MAPK8: variants seen among roughly 807,000 people sequenced by gnomAD.
MAPK8 encodes mitogen-activated protein kinase 8, also known as JUN N-terminal kinase.
Under a neutral mutation model 52.9 loss-of-function variants are expected in MAPK8, and 13 were observed. The observed-to-expected ratio is 0.25, with a 90% CI of 0.16 to 0.39. The LOEUF (loss-of-function observed/expected upper bound fraction) is 0.39, where lower values mean the gene tolerates loss of function less well. MAPK8 is among the 10% of genes least tolerant of loss of function. The pLI, the probability that MAPK8 is intolerant of heterozygous loss-of-function variation, is 1.00. For missense variants in MAPK8, 300 were observed against 519.2 expected, an observed-to-expected ratio of 0.58 and a Z score of 4.10; for synonymous variants, 191 against 169.8, an observed-to-expected ratio of 1.12 and a Z score of -0.97.
At chr10:48,322,150 A>G (rs72792274) in intron 1 of MAPK8, among the ~76,000 whole-genome samples, 12,887 of 152,126 alleles carry the variant, frequency 0.085, 643 homozygotes, top group Non-Finnish European at 0.11. Context: ...TTCTTACTTT[A>G]GTAAAGTTTT....
At chr10:48,422,056 G>A (rs540700975) in intron 6 of MAPK8, among the ~76,000 whole-genome samples, 1 of 122,822 alleles carries the variant, frequency 8.1e-6, no homozygotes, top group Non-Finnish European at 1.8e-5. Flanking sequence ...TTTTTGAGAT[G>A]GAGTCTCACT....
In MAPK8 at chr10:48,427,110, G is replaced by A. The variant is rs2043731777; in HGVS notation, c.1027G>A (p.Asp343Asn). 1.2e-6 allele frequency: 2 copies of A among 1,613,296 alleles called. No homozygotes were observed. Among genetic ancestry groups the A allele is most frequent in the Non-Finnish European group, 1.7e-6 (2 of 1,179,536 alleles). Residue 343 changes from aspartate (D) to asparagine (N), a missense_variant, in exon 10 of 12, where the codon GAT (aspartate) becomes AAT (asparagine). By Grantham distance (23) the Asp-to-Asn change is conservative (BLOSUM62 1). This residue lies in a region of MAPK8 where 119 missense variants were observed against 154.4 expected (regional missense o/e 0.77). Transcript: ENST00000374189. ...PPPKIPDKQL[D>N]EREHTIEEWK... Reference sequence around the variant, plus strand: ...ACCAAAGATCCCTGACAAGCAGTTAGATGAAAGGGAACACACAATAGAAGA... The same window carrying A: ...ACCAAAGATCCCTGACAAGCAGTTAAATGAAAGGGAACACACAATAGAAGA...
intron 3 of MAPK8, among the ~76,000 whole-genome samples, chr10:48,408,994 C>G (rs2042607676): frequency 6.6e-6 from 1 of 152,190 alleles, no homozygotes; most frequent in African/African-American, 2.4e-5. Flanking sequence ...GCGCCCCACT[C>G]TCATGACCTA....
At chr10:48,431,118 C>T (rs2044206936) in intron 10 of MAPK8, 75 bp from the exon 11 acceptor site, 1 of 881,286 alleles carries the variant, frequency 1.1e-6, no homozygotes. Context: ...TAAAAATTTC[C>T]ACTTAAACCA....
chr10:48,420,831 C>T (rs374438583), intron 6 of MAPK8, among the ~76,000 whole-genome samples: 2 of 152,160 alleles, frequency 1.3e-5, no homozygotes, highest in African/African-American at 2.4e-5. Flanking sequence ...TTCATTAAAA[C>T]GTTGTATCCA....
intron 1 of MAPK8, among the ~76,000 whole-genome samples, chr10:48,350,824 A>C (rs936411493): frequency 2.6e-5 from 4 of 152,222 alleles, no homozygotes; most frequent in African/African-American, 9.6e-5. Context: ...AGGAAGTCAA[A>C]TTGTCTCTGT....
intron 1 of MAPK8, among the ~76,000 whole-genome samples, chr10:48,316,040 A>G (rs112055991): frequency 1.7e-4 from 26 of 152,346 alleles, no homozygotes; most frequent in Non-Finnish European, 2.4e-4. Flanking sequence ...GTAACTTGAA[A>G]TGAATTGTGG....
chr10:48,362,961 G>A (rs1182221190), intron 1 of MAPK8, among the ~76,000 whole-genome samples: 1 of 151,948 alleles, frequency 6.6e-6, no homozygotes, highest in Non-Finnish European at 1.5e-5. Flanking sequence ...GGCTGGTCTC[G>A]AACTCCTGAC....
intron 1 of MAPK8, among the ~76,000 whole-genome samples, chr10:48,352,781 G>A (rs1199631256): frequency 6.6e-6 from 1 of 152,004 alleles, no homozygotes; most frequent in Non-Finnish European, 1.5e-5. Context: ...TAAAACAAGC[G>A]GGGGGAAAGC....
chr10:48,381,100 A>C (rs1402381205), intron 1 of MAPK8, among the ~76,000 whole-genome samples: 2 of 152,204 alleles, frequency 1.3e-5, no homozygotes, highest in Non-Finnish European at 2.9e-5. Context: ...AATCTTGTTC[A>C]AAAGAGAAAA....
chr10:48,331,819 A>G (rs1331476214), intron 1 of MAPK8, among the ~76,000 whole-genome samples: 1 of 152,174 alleles, frequency 6.6e-6, no homozygotes, highest in East Asian at 1.9e-4. Flanking sequence ...CCCCTATAAT[A>G]ACTCATAGGG....
chr10:48,384,670 A>C (rs1269704770), intron 1 of MAPK8, among the ~76,000 whole-genome samples: 1 of 152,240 alleles, frequency 6.6e-6, no homozygotes, highest in Non-Finnish European at 1.5e-5. Flanking sequence ...CAGCCCAAAT[A>C]AAATGTACAC....
chr10:48,380,826 A>G (rs1377820299), intron 1 of MAPK8, among the ~76,000 whole-genome samples: 1 of 152,238 alleles, frequency 6.6e-6, no homozygotes, highest in Non-Finnish European at 1.5e-5. Flanking sequence ...AGGTCATTGT[A>G]AAACAGTCAT....
intron 1 of MAPK8, among the ~76,000 whole-genome samples, chr10:48,355,240 T>C (rs1167033936): frequency 6.6e-6 from 1 of 152,210 alleles, no homozygotes; most frequent in Non-Finnish European, 1.5e-5. Flanking sequence ...CTGGGCGTGG[T>C]GGCTCACGCC....
chr10:48,426,816 C>T, intron 9 of MAPK8: 1 of 474,956 alleles, frequency 2.1e-6, no homozygotes, highest in Non-Finnish European at 3.7e-6. Flanking sequence ...CAAAGGAAAA[C>T]AGAATTCTGT....
At chr10:48,424,583 A>T in intron 7 of MAPK8, 1 of 1,580,242 alleles carries the variant, frequency 6.3e-7, no homozygotes, top group Non-Finnish European at 8.6e-7. Context: ...CCAGGTACAG[A>T]TCGTATCCTT....
chr10:48,313,006 G>A (rs189308800), intron 1 of MAPK8, among the ~76,000 whole-genome samples: 2 of 152,098 alleles, frequency 1.3e-5, no homozygotes, highest in Non-Finnish European at 2.9e-5. Context: ...AAAATCCTTG[G>A]TCCAGATGTA....
intron 6 of MAPK8, among the ~76,000 whole-genome samples, chr10:48,423,845 T>A (rs2043509471): frequency 6.6e-6 from 1 of 152,176 alleles, no homozygotes; most frequent in South Asian, 2.1e-4. Context: ...ATGCAATTTC[T>A]GTGCATAGCT....
intron 1 of MAPK8, among the ~76,000 whole-genome samples, chr10:48,366,400 G>C (rs189463225): frequency 6.6e-6 from 1 of 152,136 alleles, no homozygotes; most frequent in Non-Finnish European, 1.5e-5. Flanking sequence ...GGGAAAAATA[G>C]GAAATGTCAT....
Sources: allele counts gnomAD v4.1 joint callset (sites outside exome capture counted in the v4.1 genomes callset), GRCh38; gene constraint gnomAD v4.1.1; regional missense constraint gnomAD v4.1.1; transcripts MANE v1.5; gene names NCBI Gene and HGNC (gene_info 2026-07-23, HGNC 2026-07-21).